Variants in HEATR4 observed in about 807,000 individuals in gnomAD.
The protein encoded by HEATR4 is HEAT repeat-containing protein 4.
A neutral mutation model predicts 108.8 loss-of-function variants in HEATR4; 95 were observed. The observed-to-expected ratio is 0.87, with a 90% confidence interval of 0.74 to 1.04. HEATR4 has a LOEUF of 1.04. Ranked by LOEUF, HEATR4 falls within the 50% of genes least tolerant of loss-of-function variation. HEATR4 has a pLI of 0.00. For missense variants in HEATR4, 1,152 were observed against 1,253.8 expected, an observed-to-expected ratio of 0.92 and a Z score of 1.23; for synonymous variants, 443 against 459.4, an observed-to-expected ratio of 0.96 and a Z score of 0.46.
At chr14:73,497,520 A>G (rs1022714626) in intron 14 of HEATR4, among the ~76,000 whole-genome samples, 2 of 152,176 alleles carry the variant, frequency 1.3e-5, no homozygotes, top group Non-Finnish European at 2.9e-5. Flanking sequence ...TCACATAGCT[A>G]TTGCATGCCA....
rs752579900 is a variant in HEATR4, at chr14:73,492,494, C to G, written c.2844+572G>C. 1 of 1,613,706 alleles carries G rather than the reference C, an allele frequency of 6.2e-7. No individual in the cohort carries two copies. The highest frequency in any genetic ancestry group is 2.2e-5 in the East Asian group (1 of 44,890). On this transcript the variant is annotated intron_variant, in intron 17 of 17. Transcript: ENST00000553558. This position sits in a 1 kb window ranked among gnomAD's most constrained non-coding sequence, Gnocchi z 4.9. The stretch of plus-strand genomic sequence containing the variant: ...GGTTGCCCGCCTGGGACACTTTGCT[C>G]CTGTTGATGCTGTGGCCGACCAGCG...
the HEATR4 span, among the ~76,000 whole-genome samples, chr14:73,588,785 T>C: frequency 6.6e-6 from 1 of 152,012 alleles, no homozygotes; most frequent in Non-Finnish European, 1.5e-5. Flanking sequence ...CATTTACTTT[T>C]CTTTTTTGTG....
the HEATR4 span, among the ~76,000 whole-genome samples, chr14:73,608,139 G>T: frequency 0.036 from 5,396 of 151,410 alleles, 310 homozygotes; most frequent in African/African-American, 0.12. Context: ...TGGCCAGGCT[G>T]ATCTTAACCT....
At chr14:73,503,520 C>T (rs934402806) in intron 10 of HEATR4, among the ~76,000 whole-genome samples, 4 of 152,176 alleles carry the variant, frequency 2.6e-5, no homozygotes, top group Non-Finnish European at 4.4e-5. Context: ...AATGTGCCCA[C>T]GCTGTTCTTC....
the HEATR4 span, chr14:73,619,669 TA>T: frequency 6.2e-7 from 1 of 1,614,176 alleles, no homozygotes; most frequent in East Asian, 2.2e-5. Flanking sequence ...TGACCCACCT[TA>T]TTTTCCTCCT....
At chr14:73,619,439 T>G in the HEATR4 span, 1 of 1,614,206 alleles carries the variant, frequency 6.2e-7, no homozygotes, top group Non-Finnish European at 8.5e-7. Flanking sequence ...AAGTCAGGAT[T>G]TCTCACTTTT....
intron 2 of HEATR4, among the ~76,000 whole-genome samples, chr14:73,524,310 A>AAAAAAAAAATATATAT: frequency 3.3e-4 from 18 of 54,766 alleles, no homozygotes; most frequent in African/African-American, 1.4e-3. Context: ...AAAAAAAAAA[A>AAAAAAAAAATATATAT]ATATATATAT....
the HEATR4 span, among the ~76,000 whole-genome samples, chr14:73,615,864 G>C: frequency 1.3e-5 from 2 of 152,150 alleles, no homozygotes; most frequent in Non-Finnish European, 2.9e-5. Context: ...CCAGGAGTTT[G>C]AGACTAGCCC....
At chr14:73,559,156 G>A (rs947016987), upstream of HEATR4, among the ~76,000 whole-genome samples, 1 of 151,650 alleles carries the variant, frequency 6.6e-6, no homozygotes, top group Non-Finnish European at 1.5e-5. Context: ...TCTTTTTTGA[G>A]ACAGTCTCAC....
chr14:73,484,101 C>T (rs1051964397), intron 17 of HEATR4, among the ~76,000 whole-genome samples: 1 of 152,074 alleles, frequency 6.6e-6, no homozygotes, highest in Non-Finnish European at 1.5e-5. Flanking sequence ...AGGTGATCCA[C>T]TTGCCTCTGC....
chr14:73,536,257 G>A (rs1290815541), intron 1 of HEATR4, among the ~76,000 whole-genome samples: 1 of 111,940 alleles, frequency 8.9e-6, no homozygotes, highest in Non-Finnish European at 1.9e-5. Context: ...AGGAAATTAT[G>A]AAATCAGGTA....
the HEATR4 span, chr14:73,567,946 G>C: frequency 6.6e-6 from 1 of 152,072 alleles, no homozygotes; most frequent in Non-Finnish European, 1.5e-5. Flanking sequence ...ACAAACTCCA[G>C]ACACACTACT....
chr14:73,566,050 C>T, the HEATR4 span, among the ~76,000 whole-genome samples: 7 of 152,126 alleles, frequency 4.6e-5, no homozygotes, highest in Admixed American at 1.3e-4. Context: ...TAGTTAGATA[C>T]AGAGTGTTGA....
Position 73,492,771 on chromosome 14 carries a change from T to C in HEATR4, c.2844+295A>G, listed in dbSNP as rs1885862915. On this transcript the variant is annotated intron_variant, in intron 17 of 17. Transcript: ENST00000553558. This position sits in a 1 kb window ranked among gnomAD's most constrained non-coding sequence, Gnocchi z 4.9. ...TATCATCTGGAAGAACCCAAGTGCT[T>C]GGAAATATACCCCCAGCAAGCTGAT... 2 of 1,613,984 alleles carry C rather than the reference T, an allele frequency of 1.2e-6. No homozygotes were observed. The highest frequency in any genetic ancestry group is 4.5e-5 in the East Asian group (2 of 44,888).
chr14:73,631,454 G>T, the HEATR4 span: 1 of 140,238 alleles, frequency 7.1e-6, no homozygotes, highest in South Asian at 1.9e-4. Context: ...CCAGCTATTT[G>T]AAAAAATGTA....
chr14:73,495,046 C>T (rs557483175), intron 16 of HEATR4, among the ~76,000 whole-genome samples, 182 bp downstream of exon 16: 5 of 123,122 alleles, frequency 4.1e-5, no homozygotes, highest in Admixed American at 8.9e-5. Flanking sequence ...AATAAAAACC[C>T]GAGAAACAAA....
chr14:73,616,158 G>A, the HEATR4 span, among the ~76,000 whole-genome samples: 31 of 152,074 alleles, frequency 2.0e-4, no homozygotes, highest in African/African-American at 6.8e-4. Flanking sequence ...TTGTAGAGAT[G>A]GGTCTTGTTA....
chr14:73,594,173 T>C, the HEATR4 span, among the ~76,000 whole-genome samples: 1 of 152,374 alleles, frequency 6.6e-6, no homozygotes, highest in Non-Finnish European at 1.5e-5. Flanking sequence ...TGTCTTTGCA[T>C]GCTTGTTTTT....
chr14:73,607,192 C>G, the HEATR4 span, among the ~76,000 whole-genome samples: 1 of 152,162 alleles, frequency 6.6e-6, no homozygotes, highest in Non-Finnish European at 1.5e-5. Flanking sequence ...TGCCTATGAT[C>G]CCAGCTACTC....
Sources: gnomAD v4.1 joint callset for allele counts (sites outside exome capture counted in the v4.1 genomes callset) on GRCh38, gnomAD v4.1.1 for gene constraint, Gnocchi (gnomAD v3.1) non-coding constraint, MANE v1.5 for transcripts, NCBI Gene and HGNC (gene_info 2026-07-23, HGNC 2026-07-21) for gene names.